The following CLSTN2 variants were observed in gnomAD, a reference collection of about 807,000 sequenced individuals.
CLSTN2 encodes calsyntenin-2.
A neutral mutation model predicts 101.2 loss-of-function variants in CLSTN2; 48 were observed. The ratio of observed to expected loss-of-function variants is 0.47; its 90% CI spans 0.38 to 0.60. The LOEUF (loss-of-function observed/expected upper bound fraction) is 0.60. Among genes scored for constraint, CLSTN2 ranks in the 20% least tolerant of loss-of-function variants. The probability of loss-of-function intolerance (pLI) is 0.00; values close to 1 mark genes in which losing one functional copy is unlikely to be tolerated. For missense variants in CLSTN2, 1,160 were observed against 1,238.2 expected, an observed-to-expected ratio of 0.94 and a Z score of 0.95; for synonymous variants, 481 against 463.6, an observed-to-expected ratio of 1.04 and a Z score of -0.48.
chr3:140,091,367 G>A (rs1576423648), intron 1 of CLSTN2, among the ~76,000 whole-genome samples: 1 of 152,102 alleles, frequency 6.6e-6, no homozygotes, highest in East Asian at 1.9e-4. Context: ...CCCTCATCCT[G>A]GACACCCATT....
chr3:140,069,640 C>T (rs924134199), intron 1 of CLSTN2, among the ~76,000 whole-genome samples: 2 of 152,190 alleles, frequency 1.3e-5, no homozygotes, highest in Non-Finnish European at 2.9e-5. Flanking sequence ...TGCCCTTTTA[C>T]TGTGAGAAAG....
intron 1 of CLSTN2, among the ~76,000 whole-genome samples, chr3:140,170,177 T>A (rs2010190498): frequency 6.6e-6 from 1 of 152,208 alleles, no homozygotes; most frequent in African/African-American, 2.4e-5. Context: ...CCAGTTGATC[T>A]GGATGCAAAT....
intron 2 of CLSTN2, among the ~76,000 whole-genome samples, chr3:140,333,699 T>TGC (rs1464175022): frequency 6.6e-6 from 1 of 152,012 alleles, no homozygotes; most frequent in Non-Finnish European, 1.5e-5. Context: ...TGTGTGTGTG[T>TGC]GTGTGTGTGT....
In CLSTN2 at chr3:140,330,396, C is replaced by T. The variant is rs183595735; in HGVS notation, c.233-73233C>T. ...TTCCCAACTAATGAGGGGTGGTCAACAAGTGTCCCAGCCACCTGTCTTTTA... is the reference window on the plus strand; with the variant it reads ...TTCCCAACTAATGAGGGGTGGTCAATAAGTGTCCCAGCCACCTGTCTTTTA... On this transcript the variant is annotated intron_variant, in intron 2 of 16. Coordinates refer to ENST00000458420, the MANE Select transcript of CLSTN2 (RefSeq NM_022131.3). 2.9e-3 allele frequency among the ~76,000 whole-genome samples: 440 copies of T among 152,278 alleles called. 1 individual carries two copies. The highest frequency in any genetic ancestry group is 5.1e-3 in the Non-Finnish European group (345 of 68,022).
intron 2 of CLSTN2, among the ~76,000 whole-genome samples, chr3:140,289,334 T>TTTGTTTG (rs1491446212): frequency 6.6e-6 from 1 of 151,944 alleles, no homozygotes; most frequent in Non-Finnish European, 1.5e-5. Context: ...TTGTGTTTTT[T>TTTGTTTG]TTTGTTTGTT....
chr3:140,080,773 T>G (rs1164956146), intron 1 of CLSTN2, among the ~76,000 whole-genome samples: 1 of 152,166 alleles, frequency 6.6e-6, no homozygotes, highest in Non-Finnish European at 1.5e-5. Flanking sequence ...CCCCTACTCC[T>G]GGGGGCTGGA....
At chr3:139,964,717 T>C (rs909505695) in intron 1 of CLSTN2, among the ~76,000 whole-genome samples, 5 of 152,160 alleles carry the variant, frequency 3.3e-5, no homozygotes, top group African/African-American at 1.2e-4. Flanking sequence ...CTGTGTCTTC[T>C]CCCAGGAACC....
At chr3:140,317,803 C>T (rs2087243272) in intron 2 of CLSTN2, among the ~76,000 whole-genome samples, 1 of 152,154 alleles carries the variant, frequency 6.6e-6, no homozygotes, top group Admixed American at 6.5e-5. Context: ...CTTAGGAAGC[C>T]TCTCTGTGCC....
At chr3:140,024,969 G>C (rs901256380) in intron 1 of CLSTN2, among the ~76,000 whole-genome samples, 1 of 152,088 alleles carries the variant, frequency 6.6e-6, no homozygotes. Flanking sequence ...TATATACAAA[G>C]GTATTTGAAC....
At chr3:139,989,452 C>T (rs373716374) in intron 1 of CLSTN2, among the ~76,000 whole-genome samples, 9 of 152,314 alleles carry the variant, frequency 5.9e-5, no homozygotes, top group Admixed American at 2.6e-4. Context: ...GCCCTCCACA[C>T]GGCTTGTGCC....
chr3:140,421,779 G>C lies in CLSTN2; in HGVS notation c.787+505G>C, dbSNP rs537780209. 4.6e-5 allele frequency among the ~76,000 whole-genome samples: 7 copies of C among 152,268 alleles called. No homozygotes were observed. In the East Asian group the frequency reaches 1.4e-3, roughly 29 times the overall value. ...TGACTCTGGGAATGAAGAAGCAATG[G>C]CTTTGGATGGAGGTGGATTTTTGTG... On this transcript the variant is annotated intron_variant, in intron 5 of 16. Coordinates refer to ENST00000458420, the MANE Select transcript of CLSTN2 (RefSeq NM_022131.3).
chr3:140,076,590 A>C (rs1378401004), intron 1 of CLSTN2, among the ~76,000 whole-genome samples: 1 of 138,436 alleles, frequency 7.2e-6, no homozygotes. Flanking sequence ...TGCCTGCCCA[A>C]CTTTGTGGTC....
At chr3:140,172,011 C>A (rs943279360) in intron 1 of CLSTN2, among the ~76,000 whole-genome samples, 1 of 148,104 alleles carries the variant, frequency 6.8e-6, no homozygotes, top group Non-Finnish European at 1.5e-5. Context: ...GGGAAAGTTA[C>A]GCTTTGTGGA....
At chr3:140,224,201 TG>T (rs748311353) in intron 2 of CLSTN2, among the ~76,000 whole-genome samples, 29 of 152,334 alleles carry the variant, frequency 1.9e-4, no homozygotes, top group Non-Finnish European at 3.5e-4. Context: ...AGCCCCAGCC[TG>T]GCCCCCTCCT....
chr3:140,426,264 C>G (rs2088563991), intron 5 of CLSTN2, among the ~76,000 whole-genome samples: 1 of 152,182 alleles, frequency 6.6e-6, no homozygotes. Context: ...GCTATTTATA[C>G]TAATGCTCTC....
At chr3:140,369,599 A>C (rs2087828113) in intron 2 of CLSTN2, among the ~76,000 whole-genome samples, 1 of 152,144 alleles carries the variant, frequency 6.6e-6, no homozygotes, top group Non-Finnish European at 1.5e-5. Flanking sequence ...AAGATATGCC[A>C]ACATGGTCCT....
At chr3:140,551,960 C>G (rs753015555) in intron 10 of CLSTN2, among the ~76,000 whole-genome samples, 33 of 151,988 alleles carry the variant, frequency 2.2e-4, no homozygotes, top group Non-Finnish European at 3.5e-4. Flanking sequence ...TGGCCCCACT[C>G]AGAGAAATGG....
At chr3:140,148,371 A>G (rs2009813137) in intron 1 of CLSTN2, among the ~76,000 whole-genome samples, 1 of 152,218 alleles carries the variant, frequency 6.6e-6, no homozygotes, top group Non-Finnish European at 1.5e-5. Flanking sequence ...TTGTTAAAGC[A>G]GTTCTTTATG....
Position 140,333,702 on chromosome 3 carries a change from G to A in CLSTN2, c.233-69927G>A, listed in dbSNP as rs866909773. Among the ~76,000 whole-genome samples the A allele has an allele frequency of 7.6e-3, 1,155 of 152,166 alleles. 13 individuals are homozygous for A. The highest frequency in any genetic ancestry group is 0.026 in the African/African-American group (1,068 of 41,506). ...GGAGACTGTGTGTGTGTGTGTGTGT[G>A]TGTGTGTGTGTGTATCTGAATTAAT... On this transcript the variant is annotated intron_variant, in intron 2 of 16. Coordinates refer to ENST00000458420, the MANE Select transcript of CLSTN2 (RefSeq NM_022131.3).
Sources: allele counts gnomAD v4.1 joint callset (sites outside exome capture counted in the v4.1 genomes callset), GRCh38; gene constraint gnomAD v4.1.1; transcripts MANE v1.5; gene names NCBI Gene and HGNC (gene_info 2026-07-23, HGNC 2026-07-21).